MACROD2: variants seen among roughly 807,000 people sequenced by gnomAD.
MACROD2 encodes ADP-ribose glycohydrolase MACROD2.
Under a neutral mutation model 70.4 loss-of-function variants are expected in MACROD2, and 36 were observed. That is an observed-to-expected ratio of 0.51 (90% CI 0.39 to 0.68). The LOEUF (loss-of-function observed/expected upper bound fraction) is 0.68. MACROD2 is among the 30% of genes least tolerant of loss of function. The probability of loss-of-function intolerance (pLI) is 0.00; values close to 1 mark genes in which losing one functional copy is unlikely to be tolerated. For synonymous variants in MACROD2, 172 were observed against 178.8 expected (o/e 0.96, Z 0.30); for missense variants, 496 against 538.4 (o/e 0.92, Z 0.78).
chr20:15,663,891 G>A (rs1017365263), intron 8 of MACROD2, among the ~76,000 whole-genome samples: 4 of 152,182 alleles, frequency 2.6e-5, no homozygotes, highest in Non-Finnish European at 5.9e-5. Context: ...CAAAAGCAGT[G>A]CGTGTTGCTT....
intron 5 of MACROD2, among the ~76,000 whole-genome samples, chr20:15,013,401 A>T (rs1405028214): frequency 6.6e-6 from 1 of 152,126 alleles, no homozygotes; most frequent in Non-Finnish European, 1.5e-5. Context: ...AGCAACTCAG[A>T]ACCACCCCCT....
At chr20:14,729,098 C>A (rs1202267053) in intron 5 of MACROD2, among the ~76,000 whole-genome samples, 1 of 152,058 alleles carries the variant, frequency 6.6e-6, no homozygotes, top group Non-Finnish European at 1.5e-5. Context: ...CATAATTGTT[C>A]TAGCCTTCAT....
intron 6 of MACROD2, among the ~76,000 whole-genome samples, chr20:15,292,304 G>A (rs1215877678): frequency 1.3e-5 from 2 of 152,114 alleles, no homozygotes; most frequent in African/African-American, 2.4e-5. Flanking sequence ...TAAAAAAAAG[G>A]GATGATATTA....
At chr20:14,590,791 C>G (rs1339254813) in intron 4 of MACROD2, among the ~76,000 whole-genome samples, 1 of 152,048 alleles carries the variant, frequency 6.6e-6, no homozygotes, top group East Asian at 1.9e-4. Context: ...AAATGTAATA[C>G]TGTCAGGTCA....
At chr20:14,606,776 T>C (rs1432504825) in intron 4 of MACROD2, among the ~76,000 whole-genome samples, 1 of 152,222 alleles carries the variant, frequency 6.6e-6, no homozygotes, top group African/African-American at 2.4e-5. Flanking sequence ...CAGATATCCT[T>C]TCTTGTTTGT....
chr20:15,161,108 G>T (rs147711120), intron 5 of MACROD2, among the ~76,000 whole-genome samples: 44 of 152,032 alleles, frequency 2.9e-4, no homozygotes, highest in African/African-American at 9.9e-4. Flanking sequence ...ATGTGGATTG[G>T]ACATGTCAGT....
intron 3 of MACROD2, among the ~76,000 whole-genome samples, chr20:14,242,359 C>A (rs1487761378): frequency 6.6e-6 from 1 of 152,112 alleles, no homozygotes; most frequent in Non-Finnish European, 1.5e-5. Context: ...TCATTTCCTG[C>A]ACACACAGTA....
At chr20:14,676,508 T>C (rs1409745179) in intron 4 of MACROD2, among the ~76,000 whole-genome samples, 2 of 152,124 alleles carry the variant, frequency 1.3e-5, no homozygotes, top group Non-Finnish European at 2.9e-5. Flanking sequence ...AATAAATTCT[T>C]TGAAACCAAT....
At chr20:15,416,491 G>A (rs539450816) in intron 6 of MACROD2, among the ~76,000 whole-genome samples, 1 of 152,136 alleles carries the variant, frequency 6.6e-6, no homozygotes, top group Admixed American at 6.5e-5. Context: ...TTTGTTTAAA[G>A]CCCTCATTCT....
intron 5 of MACROD2, among the ~76,000 whole-genome samples, chr20:15,213,769 C>T (rs931541121): frequency 7.2e-5 from 11 of 152,052 alleles, no homozygotes; most frequent in Admixed American, 7.2e-4. Flanking sequence ...TCAGATAGGC[C>T]CATAGGCTTT....
At chr20:15,566,042 A>G (rs1013622504) in intron 8 of MACROD2, among the ~76,000 whole-genome samples, 2 of 152,206 alleles carry the variant, frequency 1.3e-5, no homozygotes, top group Non-Finnish European at 2.9e-5. Flanking sequence ...CAGTTCTGTG[A>G]AAAAGTTGGA....
At chr20:14,581,237 T>G (rs1171639111) in intron 4 of MACROD2, among the ~76,000 whole-genome samples, 1 of 152,222 alleles carries the variant, frequency 6.6e-6, no homozygotes, top group African/African-American at 2.4e-5. Context: ...CCAATGTGTC[T>G]CAACCTTAGC....
chr20:15,052,202 C>T (rs1357887322), intron 5 of MACROD2, among the ~76,000 whole-genome samples: 1 of 152,180 alleles, frequency 6.6e-6, no homozygotes, highest in Non-Finnish European at 1.5e-5. Context: ...TTGTCACGGT[C>T]CTCAAACTGT....
chr20:14,935,125 T>TCACACACACACACA (rs112374854), intron 5 of MACROD2: 1 of 149,468 alleles, frequency 6.7e-6, no homozygotes, highest in South Asian at 2.1e-4. Flanking sequence ...ATCCTATATT[T>TCACACACACACACA]CACACACACA....
At chr20:14,584,595 A>T (rs1981250617) in intron 4 of MACROD2, among the ~76,000 whole-genome samples, 1 of 152,050 alleles carries the variant, frequency 6.6e-6, no homozygotes. Context: ...TTATGACTAA[A>T]TTACCTCCCA....
At chr20:15,348,665 A>G (rs901756939) in intron 6 of MACROD2, among the ~76,000 whole-genome samples, 22 of 152,180 alleles carry the variant, frequency 1.4e-4, no homozygotes, top group Non-Finnish European at 2.4e-4. Context: ...CACATCTTAC[A>G]TGGTGGGAAG....
chr20:15,308,048 G>A (rs542153305), intron 6 of MACROD2, among the ~76,000 whole-genome samples: 1 of 152,090 alleles, frequency 6.6e-6, no homozygotes, highest in Non-Finnish European at 1.5e-5. Flanking sequence ...CAGGAGGCAG[G>A]CAATGGATGT....
At chr20:14,222,694 T>C (rs931967253) in intron 3 of MACROD2, among the ~76,000 whole-genome samples, 2 of 151,348 alleles carry the variant, frequency 1.3e-5, no homozygotes, top group African/African-American at 4.9e-5. Flanking sequence ...AAATAAAAGG[T>C]GGATATTATT....
At chr20:15,401,328 A>G (rs566646011) in intron 6 of MACROD2, among the ~76,000 whole-genome samples, 128 of 151,750 alleles carry the variant, frequency 8.4e-4, no homozygotes, top group Non-Finnish European at 1.4e-3. Flanking sequence ...GTGAGCCACC[A>G]CACCCAGCCA....
Sources: gnomAD v4.1 joint callset for allele counts (sites outside exome capture counted in the v4.1 genomes callset) on GRCh38, gnomAD v4.1.1 for gene constraint, MANE v1.5 for transcripts, NCBI Gene and HGNC (gene_info 2026-07-23, HGNC 2026-07-21) for gene names.